EXT2: variants seen among roughly 807,000 people sequenced by gnomAD.
EXT2 encodes exostosin-2.
Under a neutral mutation model 81.6 loss-of-function variants are expected in EXT2, and 53 were observed. That is an observed-to-expected ratio of 0.65 (90% CI 0.52 to 0.82). The LOEUF (loss-of-function observed/expected upper bound fraction) is 0.82. Among genes scored for constraint, EXT2 ranks in the 40% least tolerant of loss-of-function variants. The pLI, the probability that EXT2 is intolerant of heterozygous loss-of-function variation, is 0.00. For missense variants in EXT2, 774 were observed against 910.2 expected (o/e 0.85, Z 1.93); for synonymous variants, 320 against 340.0 (o/e 0.94, Z 0.65).
Position 44,206,840 on chromosome 11 carries a change from G to T in EXT2, c.1543G>T (p.Ala515Ser). The T allele has an allele frequency of 6.2e-7, 1 of 1,614,068 alleles. No homozygotes were observed. Among genetic ancestry groups the T allele is most frequent in the South Asian group, 1.1e-5 (1 of 91,076 alleles). Reference sequence around the variant, plus strand: ...GGTTCCATTAAAAGTTGTGAGGACTGCTGAAAACAAGTTAAGTAACCGTTT... The same window carrying T: ...GGTTCCATTAAAAGTTGTGAGGACTTCTGAAAACAAGTTAAGTAACCGTTT... ...IRVPLKVVRTAENKLSNRFFP... is the reference protein window; with the variant it reads ...IRVPLKVVRTSENKLSNRFFP... Residue 515 changes from alanine (A) to serine (S), a missense_variant, in exon 10 of 14, where the codon GCT becomes TCT. Physicochemically the swap from Ala to Ser is moderately conservative, Grantham distance 99. Transcript: ENST00000533608.
intron 5 of EXT2, 29 bp downstream of exon 5, chr11:44,125,013 G>A: frequency 6.2e-7 from 1 of 1,606,542 alleles, no homozygotes; most frequent in East Asian, 2.2e-5. Flanking sequence ...CTCTCGCAAA[G>A]GCTCAGGAGA....
At chr11:44,169,437 ATAAC>A (rs1306392825) in intron 7 of EXT2, among the ~76,000 whole-genome samples, 8 of 152,192 alleles carry the variant, frequency 5.3e-5, no homozygotes, top group African/African-American at 9.6e-5. Flanking sequence ...AAAAGACTAA[ATAAC>A]TAGCAACCTA....
intron 7 of EXT2, among the ~76,000 whole-genome samples, chr11:44,141,650 G>A (rs1324846379): frequency 6.6e-6 from 1 of 152,166 alleles, no homozygotes; most frequent in Non-Finnish European, 1.5e-5. Flanking sequence ...GCCTTTTGAA[G>A]GTGGCGGGTA....
rs539458033 is a variant in EXT2, at chr11:44,205,604, C to G, written c.1496-1189C>G. On this transcript the variant is annotated intron_variant, in intron 9 of 13. Coordinates refer to ENST00000533608, the MANE Select transcript of EXT2 (RefSeq NM_207122.2). Reference sequence around the variant, plus strand: ...GGCCTCTTCCAAGACCCTGGGAGTGCCCCCAACAATGTGTTCTACAACCAG... The same window carrying G: ...GGCCTCTTCCAAGACCCTGGGAGTGGCCCCAACAATGTGTTCTACAACCAG... Among the ~76,000 whole-genome samples, 153 of 152,278 alleles carry G rather than the reference C, an allele frequency of 1.0e-3. 1 individual carries two copies. Among genetic ancestry groups the G allele is most frequent in the African/African-American group, 3.3e-3 (139 of 41,552 alleles).
chr11:44,103,612 T>G (rs1954015932), intron 1 of EXT2: 3 of 416,742 alleles, frequency 7.2e-6, no homozygotes, highest in South Asian at 5.3e-5. Flanking sequence ...TATTATTTCT[T>G]GAATATTTGG....
intron 10 of EXT2, among the ~76,000 whole-genome samples, chr11:44,225,310 T>G (rs561364552): frequency 1.7e-4 from 26 of 152,228 alleles, no homozygotes; most frequent in Non-Finnish European, 3.2e-4. Context: ...GAGGTTCCAG[T>G]AGGCCCTCAG....
chr11:44,208,817 T>A (rs1194814550), intron 10 of EXT2, among the ~76,000 whole-genome samples: 1 of 152,198 alleles, frequency 6.6e-6, no homozygotes, highest in Non-Finnish European at 1.5e-5. Context: ...GAATTGGGAT[T>A]TAAATCCGAA....
At chr11:44,179,349 T>G (rs573106542) in intron 8 of EXT2, among the ~76,000 whole-genome samples, 4 of 152,362 alleles carry the variant, frequency 2.6e-5, no homozygotes, top group Admixed American at 2.0e-4. Flanking sequence ...ATTGTTTCCT[T>G]AGATGCAGTC....
chr11:44,183,997 C>T (rs1357248066), intron 8 of EXT2, among the ~76,000 whole-genome samples: 1 of 152,218 alleles, frequency 6.6e-6, no homozygotes, highest in Admixed American at 6.5e-5. Context: ...AATGTGAGTT[C>T]ATCTCACATG....
rs1329468517 is a variant in EXT2, at chr11:44,246,018, A to T, written c.*1731A>T. 6.6e-6 allele frequency among the ~76,000 whole-genome samples: 1 copy of T among 152,230 alleles called. No homozygotes were observed. Among genetic ancestry groups the T allele is most frequent in the East Asian group, 1.9e-4 (1 of 5,192 alleles). On this transcript the variant is annotated 3_prime_UTR_variant, in exon 14 of 14. Coordinates refer to ENST00000533608, the MANE Select transcript of EXT2 (RefSeq NM_207122.2). ...TTACCAAATACTTTTGATTTGGGTA[A>T]TGTGTACTGGTCAGTAGGAGACATG...
At position 44,245,271 on chromosome 11, in the gene EXT2, C is replaced by T; in HGVS notation, c.*984C>T. ...CCGTAAAAGTTGTGGGAATTGTGAC[C>T]CCCATCCCAAGGGGATGCCAAAATT... On this transcript the variant is annotated 3_prime_UTR_variant, in exon 14 of 14. Coordinates refer to ENST00000533608, the MANE Select transcript of EXT2 (RefSeq NM_207122.2). 1 of 226,052 alleles carries T rather than the reference C, an allele frequency of 4.4e-6. No homozygotes were observed. The highest frequency in any genetic ancestry group is 2.2e-5 in the African/African-American group (1 of 44,970). 14.0% of individuals were successfully genotyped at this position (226,052 alleles called of 1,614,324 possible). A position where few individuals can be genotyped will look rare whatever the true frequency, so the allele number is the denominator to read the frequency against.
At chr11:44,118,627 T>G (rs1452389596) in intron 4 of EXT2, among the ~76,000 whole-genome samples, 2 of 152,214 alleles carry the variant, frequency 1.3e-5, no homozygotes, top group African/African-American at 4.8e-5. Context: ...TACTAATTTT[T>G]TGGATTATCA....
intron 13 of EXT2, among the ~76,000 whole-genome samples, chr11:44,239,951 C>T (rs896112873): frequency 3.3e-5 from 5 of 152,056 alleles, no homozygotes; most frequent in South Asian, 2.1e-4. Context: ...ATATAACCTT[C>T]GCATATCCTT....
chr11:44,113,867 T>TA (rs1425235564), intron 3 of EXT2, among the ~76,000 whole-genome samples: 1 of 152,080 alleles, frequency 6.6e-6, no homozygotes, highest in Non-Finnish European at 1.5e-5. Flanking sequence ...AAAGTATGAC[T>TA]AGGGAGAGGT....
intron 7 of EXT2, among the ~76,000 whole-genome samples, chr11:44,149,437 T>A (rs969627737): frequency 1.3e-5 from 2 of 152,202 alleles, no homozygotes; most frequent in African/African-American, 4.8e-5. Context: ...TTTTTCTGTA[T>A]CCTTTCTCTG....
intron 7 of EXT2, among the ~76,000 whole-genome samples, chr11:44,169,914 A>C (rs1015946252): frequency 3.3e-5 from 5 of 152,140 alleles, no homozygotes; most frequent in Non-Finnish European, 7.4e-5. Flanking sequence ...GTATATTTAT[A>C]AACTTGAAAT....
intron 8 of EXT2, among the ~76,000 whole-genome samples, chr11:44,181,932 C>G (rs897361330): frequency 6.6e-6 from 1 of 152,136 alleles, no homozygotes; most frequent in South Asian, 2.1e-4. Context: ...GCAATGGGCT[C>G]CACTTAGGTT....
chr11:44,215,865 A>ATTTTTT (rs34411687), intron 10 of EXT2, among the ~76,000 whole-genome samples: 1 of 127,828 alleles, frequency 7.8e-6, no homozygotes, highest in Non-Finnish European at 1.6e-5. Context: ...CCATTTGGGA[A>ATTTTTT]TTTTTTTTTT....
rs1956127919 is a variant in EXT2, at chr11:44,250,205, T to G, written c.*5918T>G. Reference sequence around the variant, plus strand: ...GGAGTTCTTGAGCTTGGTAAGATGATGTGAGTCCATCAGTGGCCCAGGACT... The same window carrying G: ...GGAGTTCTTGAGCTTGGTAAGATGAGGTGAGTCCATCAGTGGCCCAGGACT... On this transcript the variant is annotated 3_prime_UTR_variant, in exon 14 of 14. Transcript: ENST00000533608. 6.6e-6 allele frequency among the ~76,000 whole-genome samples: 1 copy of G among 152,240 alleles called. No homozygotes were observed. Among genetic ancestry groups the G allele is most frequent in the Non-Finnish European group, 1.5e-5 (1 of 68,040 alleles).
Sources: allele counts gnomAD v4.1 joint callset (sites outside exome capture counted in the v4.1 genomes callset), GRCh38; gene constraint gnomAD v4.1.1; transcripts MANE v1.5; gene names NCBI Gene and HGNC (gene_info 2026-07-23, HGNC 2026-07-21).